The following TRMT2B variants were observed in gnomAD, a reference collection of about 807,000 sequenced individuals.
The protein encoded by TRMT2B is tRNA methyltransferase 2B.
A neutral mutation model predicts 39.7 loss-of-function variants in TRMT2B; 34 were observed. The observed-to-expected ratio is 0.86, with a 90% CI of 0.65 to 1.14. The LOEUF (loss-of-function observed/expected upper bound fraction) is 1.14. Among genes scored for constraint, TRMT2B ranks in the 50% most tolerant of loss-of-function variants. The pLI, the probability that TRMT2B is intolerant of heterozygous loss-of-function variation, is 0.00. For synonymous variants in TRMT2B, 132 were observed against 137.3 expected (o/e 0.96, Z 0.27); for missense variants, 318 against 377.2 (o/e 0.84, Z 1.30).
chrX:101,012,496 C>T (rs1346090571), intron 13 of TRMT2B, among the ~76,000 whole-genome samples: 1 of 98,784 alleles, frequency 1.0e-5, no homozygotes, highest in African/African-American at 3.7e-5. Flanking sequence ...CAACAGTCCC[C>T]AGAGTGTGAT....
Position 101,037,921 on chromosome X carries a change from G to T in TRMT2B, c.434C>A (p.Pro145His). The T allele has an allele frequency of 8.3e-7, 1 of 1,209,879 alleles. No individual in the cohort carries two copies. ...AATAGGGAGGTGGGGGCTTACAGAG[G>T]GTATAATAGGATGGAGAAGACAAGA... is the stretch of plus-strand genomic sequence containing the variant. ...RLSCLLHPIIPSPVINGYRNK... is the reference protein window; with the variant it reads ...RLSCLLHPIIHSPVINGYRNK... The change falls in exon 5 of 14, where the codon CCC becomes CAC. Residue 145 changes from proline (P) to histidine (H), a missense_variant. Transcript: ENST00000372936.
At chrX:101,012,583 T>G (rs1323516053) in intron 13 of TRMT2B, among the ~76,000 whole-genome samples, 2 of 108,553 alleles carry the variant, frequency 1.8e-5, no homozygotes, top group Admixed American at 1.0e-4. Flanking sequence ...TTTGGTTTTT[T>G]GTTCTTGCGA....
chrX:101,000,182 G>A, the TRMT2B span, among the ~76,000 whole-genome samples: 4 of 105,845 alleles, frequency 3.8e-5, no homozygotes, highest in Non-Finnish European at 7.7e-5. Flanking sequence ...GTGCAATAGC[G>A]CAATCTCCAC....
the TRMT2B span, chrX:100,986,008 C>T: frequency 1.9e-6 from 2 of 1,029,267 alleles, no homozygotes; most frequent in Non-Finnish European, 2.6e-6. Context: ...TTTGTCACAC[C>T]CAGCTAGGCC....
chrX:101,031,737 A>G (rs1457590569), intron 7 of TRMT2B, among the ~76,000 whole-genome samples: 1 of 110,452 alleles, frequency 9.1e-6, no homozygotes, highest in Non-Finnish European at 1.9e-5. Flanking sequence ...GCAAATAGAA[A>G]GATAAGTTAA....
chrX:100,984,148 T>G, the TRMT2B span, among the ~76,000 whole-genome samples: 1 of 107,244 alleles, frequency 9.3e-6, no homozygotes, highest in Non-Finnish European at 1.9e-5. Flanking sequence ...AGTTTCACTC[T>G]TGTCCCCCAT....
intron 2 of TRMT2B, among the ~76,000 whole-genome samples, chrX:101,047,432 A>G (rs1161425352): frequency 9.0e-6 from 1 of 111,691 alleles, no homozygotes; most frequent in Non-Finnish European, 1.9e-5. Context: ...AAGAGCTAAC[A>G]TGGGTGACAT....
the TRMT2B span, chrX:100,985,885 G>C: frequency 8.3e-7 from 1 of 1,207,812 alleles, no homozygotes; most frequent in Non-Finnish European, 1.1e-6. Context: ...TCTGCTGTCC[G>C]ATAAAAGAGT....
chrX:101,018,482 G>A (rs775693132), intron 13 of TRMT2B, among the ~76,000 whole-genome samples: 8 of 101,665 alleles, frequency 7.9e-5, no homozygotes, highest in African/African-American at 1.1e-4. Flanking sequence ...TCTCTCTGTC[G>A]CCCAGGCTGG....
chrX:101,012,958 A>C (rs2086333940), intron 13 of TRMT2B, among the ~76,000 whole-genome samples: 1 of 110,638 alleles, frequency 9.0e-6, no homozygotes, highest in Non-Finnish European at 1.9e-5. Flanking sequence ...AGCTGGGATT[A>C]CAGGCACACA....
intron 4 of TRMT2B, among the ~76,000 whole-genome samples, chrX:101,038,261 G>A (rs367593684): frequency 1.9e-5 from 2 of 105,821 alleles, no homozygotes; most frequent in Admixed American, 2.1e-4. Context: ...CCAGCTACTC[G>A]GGAGGCTGAG....
Position 101,042,175 on chromosome X carries a change from A to G in TRMT2B, c.115T>C (p.Trp39Arg). The change falls in exon 3 of 14, where the codon TGG (tryptophan) becomes CGG (arginine). Residue 39 changes from tryptophan (W) to arginine (R), a missense_variant. Transcript: ENST00000372936. ...ACTGTGCCCAGAAAGAGCTGTGACC[A>G]TCCTGGTGGATTTCTGGCATACCAG... ...LPWYARNPPGWSQLFLGTVCK... is the reference protein window; with the variant it reads ...LPWYARNPPGRSQLFLGTVCK... The G allele has an allele frequency of 1.6e-6, 2 of 1,212,184 alleles. No individual in the cohort carries two copies. The highest frequency in any genetic ancestry group is 2.2e-6 in the Non-Finnish European group (2 of 895,620).
the TRMT2B span, among the ~76,000 whole-genome samples, chrX:100,982,814 T>G: frequency 9.1e-6 from 1 of 109,921 alleles, no homozygotes; most frequent in African/African-American, 3.3e-5. Context: ...TAGCATGGAA[T>G]CTGTATCTTA....
rs1250643863 is a variant in TRMT2B at position 101,021,952 on chromosome X, G to A, written c.851+16C>T. On this transcript the variant is annotated intron_variant, in intron 9 of 13. Transcript: ENST00000372936. Reference sequence around the variant, plus strand: ...GTCTGGCAAGCCATCAGCCTATTTGGCTGTCCCAGGTTTACCTTTCCTGGA... The same window carrying A: ...GTCTGGCAAGCCATCAGCCTATTTGACTGTCCCAGGTTTACCTTTCCTGGA... 10 of 1,164,659 alleles carry A rather than the reference G, an allele frequency of 8.6e-6. No individual in the cohort carries two copies. In the South Asian group the frequency reaches 1.8e-4, roughly 21 times the overall value.
chrX:101,011,576 T>C (rs1335945675), intron 13 of TRMT2B, among the ~76,000 whole-genome samples: 1 of 111,065 alleles, frequency 9.0e-6, no homozygotes, highest in Non-Finnish European at 1.9e-5. Context: ...AGCGAGACTC[T>C]GTCGTTACCA....
rs2086180128 is a variant in TRMT2B at position 101,009,803 on chromosome X, G to C, written c.*778C>G. The C allele has an allele frequency of 9.4e-6, 1 of 106,480 alleles. No individual in the cohort carries two copies. Among genetic ancestry groups the C allele is most frequent in the Admixed American group, 1.1e-4 (1 of 9,313 alleles). 8.8% of individuals were successfully genotyped at this position (106,480 alleles called of 1,213,427 possible). On this transcript the variant is annotated 3_prime_UTR_variant, in exon 14 of 14. Transcript: ENST00000372936. ...CTCAGTCACCCTGTATTCACTTCAT[G>C]GCTTACCCTGCTTTTAAAAAACCTC...
At chrX:100,999,142 G>A in the TRMT2B span, among the ~76,000 whole-genome samples, 3 of 112,388 alleles carry the variant, frequency 2.7e-5, no homozygotes, top group Non-Finnish European at 3.8e-5. Flanking sequence ...TGGACTTGAG[G>A]ATATTTACAT....
At chrX:100,973,798 A>G in the TRMT2B span, 4 of 1,109,648 alleles carry the variant, frequency 3.6e-6, no homozygotes, top group Non-Finnish European at 5.0e-6. Context: ...TCCTCCCACA[A>G]ATCTGCCCAT....
At chrX:100,998,683 T>A in the TRMT2B span, among the ~76,000 whole-genome samples, 1 of 111,820 alleles carries the variant, frequency 8.9e-6, no homozygotes, top group Admixed American at 9.6e-5. Flanking sequence ...TAAGTGCTAT[T>A]ATTATCCTTA....
Sources: allele counts gnomAD v4.1 joint callset (sites outside exome capture counted in the v4.1 genomes callset), GRCh38; gene constraint gnomAD v4.1.1; transcripts MANE v1.5; gene names NCBI Gene and HGNC (gene_info 2026-07-23, HGNC 2026-07-21).